SORCS1: variants seen among roughly 807,000 people sequenced by gnomAD.
SORCS1 encodes sortilin related VPS10 domain containing receptor 1, also known as VPS10 domain-containing receptor SorCS1.
A neutral mutation model predicts 146.1 loss-of-function variants in SORCS1; 60 were observed. That is an observed-to-expected ratio of 0.41 (90% CI 0.33 to 0.51). SORCS1 has a LOEUF of 0.51. Among genes scored for constraint, SORCS1 ranks in the 20% least tolerant of loss-of-function variants. SORCS1 has a pLI of 0.21. For synonymous variants in SORCS1, 637 were observed against 584.0 expected (o/e 1.09, Z -1.31); for missense variants, 1,352 against 1,487.6 (o/e 0.91, Z 1.50).
Position 106,652,421 on chromosome 10 carries a change from T to A in SORCS1, c.2436A>T (p.Glu812Asp). Residue 812 changes from glutamate (E) to aspartate (D), a missense_variant, in exon 18 of 26, where the codon GAA (glutamate) becomes GAT (aspartate). Glu to Asp is a conservative substitution (Grantham distance 45). Around this residue, in one of 3 missense-constraint regions of SORCS1, gnomAD observed 648 missense variants for 793.8 expected, o/e 0.82. Transcript: ENST00000263054. ...CCATGAGAGTGACGTTGTGTCCTTG[T>A]TCCGCTGTCAGCTTTCCATCAGCCG... ...IVTADGKLTA[E>D]QGHNVTLMVQ... The A allele has an allele frequency of 6.2e-7, 1 of 1,614,138 alleles. No homozygotes were observed.
At chr10:106,993,334 G>T (rs1204249353) in intron 1 of SORCS1, among the ~76,000 whole-genome samples, 1 of 152,170 alleles carries the variant, frequency 6.6e-6, no homozygotes, top group Non-Finnish European at 1.5e-5. Flanking sequence ...TGCACTGGTG[G>T]TTTTTATTAC....
chr10:107,003,531 T>C (rs1957308724), intron 1 of SORCS1, among the ~76,000 whole-genome samples: 1 of 151,644 alleles, frequency 6.6e-6, no homozygotes, highest in South Asian at 2.1e-4. Context: ...TATTAATCTT[T>C]TAAATAAGGG....
chr10:107,050,742 T>A (rs1441964833), intron 1 of SORCS1, among the ~76,000 whole-genome samples: 1 of 152,148 alleles, frequency 6.6e-6, no homozygotes, highest in Non-Finnish European at 1.5e-5. Context: ...TATTTTCTTT[T>A]TAGAACCAAA....
Position 106,667,820 on chromosome 10 carries a change from A to G in SORCS1, c.2190-18T>C, listed in dbSNP as rs766923223. ...CATAGTCGCTGTTAGGAAAGAGCCG[A>G]GAAAAACCTTTCACTAGGTGGCAAA... On this transcript the variant is annotated intron_variant, in intron 16 of 25. Coordinates refer to ENST00000263054, the MANE Select transcript of SORCS1 (RefSeq NM_052918.5). 8 of 1,604,926 alleles carry G rather than the reference A, an allele frequency of 5.0e-6. No individual in the cohort carries two copies. In the East Asian group the frequency reaches 1.8e-4, roughly 36 times the overall value.
chr10:106,859,870 T>C (rs768802461), intron 2 of SORCS1, among the ~76,000 whole-genome samples: 2 of 152,226 alleles, frequency 1.3e-5, no homozygotes, highest in Non-Finnish European at 2.9e-5. Context: ...GCAAAATGCA[T>C]TTATGCTTAC....
intron 2 of SORCS1, among the ~76,000 whole-genome samples, chr10:106,868,783 A>C (rs1345182937): frequency 6.6e-6 from 1 of 152,204 alleles, no homozygotes; most frequent in African/African-American, 2.4e-5. Context: ...CACAACTGAA[A>C]GAGAAGCAAG....
intron 1 of SORCS1, among the ~76,000 whole-genome samples, chr10:107,032,612 G>C (rs1189475632): frequency 2.0e-5 from 3 of 152,110 alleles, no homozygotes; most frequent in Non-Finnish European, 2.9e-5. Context: ...AAATAAGCCT[G>C]CTGAGAACCT....
At chr10:107,068,594 T>C (rs910058640) in intron 1 of SORCS1, among the ~76,000 whole-genome samples, 80 of 152,254 alleles carry the variant, frequency 5.3e-4, no homozygotes, top group African/African-American at 1.9e-3. Context: ...CTGCCGAGCA[T>C]GGTGGCTCAC....
At chr10:107,128,601 A>C (rs1442214971) in intron 1 of SORCS1, among the ~76,000 whole-genome samples, 1 of 152,238 alleles carries the variant, frequency 6.6e-6, no homozygotes, top group Non-Finnish European at 1.5e-5. Flanking sequence ...TGTGCTTAGC[A>C]AAAACACTCA....
intron 1 of SORCS1, among the ~76,000 whole-genome samples, chr10:106,959,420 C>T (rs1467804933): frequency 6.6e-6 from 1 of 152,088 alleles, no homozygotes; most frequent in African/African-American, 2.4e-5. Flanking sequence ...CCTTCACTGC[C>T]TCTGTGCATT....
At chr10:107,087,301 A>T (rs1198931400) in intron 1 of SORCS1, among the ~76,000 whole-genome samples, 3 of 152,022 alleles carry the variant, frequency 2.0e-5, no homozygotes, top group Non-Finnish European at 4.4e-5. Flanking sequence ...TTCCTGGAAA[A>T]CATGGTATTG....
At chr10:106,703,906 G>T (rs1044729161) in intron 8 of SORCS1, among the ~76,000 whole-genome samples, 1 of 152,064 alleles carries the variant, frequency 6.6e-6, no homozygotes, top group Non-Finnish European at 1.5e-5. Context: ...ATTTTTTCTG[G>T]GAACAAGCTA....
chr10:106,898,194 C>T (rs545940321), intron 2 of SORCS1, among the ~76,000 whole-genome samples: 1 of 152,368 alleles, frequency 6.6e-6, no homozygotes, highest in Admixed American at 6.5e-5. Context: ...TTGAAACTGT[C>T]TCCATGTTTC....
intron 1 of SORCS1, among the ~76,000 whole-genome samples, chr10:107,120,600 G>A (rs1590182917): frequency 6.6e-6 from 1 of 152,130 alleles, no homozygotes. Context: ...ACAGAAGTAG[G>A]CAATCTCATA....
intron 1 of SORCS1, among the ~76,000 whole-genome samples, chr10:107,011,153 G>A (rs1241047484): frequency 6.6e-6 from 1 of 152,148 alleles, no homozygotes; most frequent in East Asian, 1.9e-4. Context: ...CTTCCTTTAT[G>A]GACCTCTTAA....
At chr10:107,035,319 G>A (rs965553224) in intron 1 of SORCS1, among the ~76,000 whole-genome samples, 3 of 148,924 alleles carry the variant, frequency 2.0e-5, no homozygotes, top group Non-Finnish European at 3.0e-5. Flanking sequence ...GTAACATTAC[G>A]CATGGTTCTC....
intron 8 of SORCS1, among the ~76,000 whole-genome samples, chr10:106,702,512 G>C (rs913370172): frequency 6.6e-6 from 1 of 152,106 alleles, no homozygotes; most frequent in African/African-American, 2.4e-5. Context: ...TGTAGATTTG[G>C]ATAGGAAAAC....
chr10:107,022,133 C>T (rs756556973), intron 1 of SORCS1, among the ~76,000 whole-genome samples: 7 of 152,120 alleles, frequency 4.6e-5, no homozygotes, highest in Non-Finnish European at 8.8e-5. Flanking sequence ...GGAAGGAATA[C>T]GGAGGTTTCA....
intron 1 of SORCS1, among the ~76,000 whole-genome samples, chr10:107,142,962 T>C (rs1362498804): frequency 2.0e-5 from 3 of 152,224 alleles, no homozygotes; most frequent in East Asian, 3.8e-4. Context: ...AGGTCACATA[T>C]GTTATACCTC....
Sources: gnomAD v4.1 joint callset for allele counts (sites outside exome capture counted in the v4.1 genomes callset) on GRCh38, gnomAD v4.1.1 for gene constraint, gnomAD v4.1.1 regional missense constraint, MANE v1.5 for transcripts, NCBI Gene and HGNC (gene_info 2026-07-23, HGNC 2026-07-21) for gene names.